The following AUTS2 variants were observed in gnomAD, a reference collection of about 807,000 sequenced individuals.
AUTS2 encodes the protein autism susceptibility gene 2 protein.
AUTS2 carries 17 observed loss-of-function variants against 112.4 expected under a neutral mutation model. The observed-to-expected ratio is 0.15, with a 90% CI of 0.10 to 0.23. AUTS2 has a LOEUF of 0.23. Ranked by LOEUF, AUTS2 falls within the 10% of genes least tolerant of loss-of-function variation. The pLI, the probability that AUTS2 is intolerant of heterozygous loss-of-function variation, is 1.00. For missense variants in AUTS2, 1,510 were observed against 1,701.6 expected, an observed-to-expected ratio of 0.89 and a Z score of 1.98; for synonymous variants, 751 against 702.7, an observed-to-expected ratio of 1.07 and a Z score of -1.09.
In AUTS2 at chr7:70,763,213, C is replaced by A; in HGVS notation, c.1086C>A (p.Pro362=). The A allele has an allele frequency of 1.2e-6, 2 of 1,614,114 alleles. No individual in the cohort carries two copies. The highest frequency in any genetic ancestry group is 1.7e-6 in the Non-Finnish European group (2 of 1,180,002). The stretch of plus-strand genomic sequence containing the variant: ...CGCAGCCTCAGGTGCAGAGGCCACC[C>A]AGGCCACAGTCCCCCACCCAGCTGC... ...PAPQPQVQRP[P]RPQSPTQLLH... Residue 362 remains proline, a synonymous_variant, in exon 7 of 19, where the codon CCC becomes CCA. Transcript: ENST00000342771.
intron 5 of AUTS2, among the ~76,000 whole-genome samples, chr7:70,466,735 CAG>C (rs1562972097): frequency 1.3e-5 from 2 of 152,140 alleles, no homozygotes; most frequent in East Asian, 3.8e-4. Flanking sequence ...CATTAAGTAA[CAG>C]ATTGTGTGCG....
intron 4 of AUTS2, among the ~76,000 whole-genome samples, chr7:70,335,965 A>G (rs1337322363): frequency 6.6e-6 from 1 of 152,226 alleles, no homozygotes; most frequent in Non-Finnish European, 1.5e-5. Flanking sequence ...AGCTCACACA[A>G]TTCTTTAATT....
At chr7:70,165,917 TG>T (rs1808356388) in intron 4 of AUTS2, among the ~76,000 whole-genome samples, 1 of 151,932 alleles carries the variant, frequency 6.6e-6, no homozygotes, top group South Asian at 2.1e-4. Context: ...TGGTGGGAGG[TG>T]ATTGGATCAT....
intron 2 of AUTS2, among the ~76,000 whole-genome samples, chr7:70,025,735 C>A (rs1482206922): frequency 6.7e-6 from 1 of 149,410 alleles, no homozygotes; most frequent in Non-Finnish European, 1.5e-5. Context: ...GGATTACAGG[C>A]GTGAGCTGCC....
At chr7:69,742,769 G>T in intron 1 of AUTS2, among the ~76,000 whole-genome samples, 1 of 152,174 alleles carries the variant, frequency 6.6e-6, no homozygotes, top group East Asian at 1.9e-4. Flanking sequence ...TGGGAAGGTT[G>T]CATGAGAACA....
At chr7:70,142,709 C>T (rs1046665548) in intron 4 of AUTS2, among the ~76,000 whole-genome samples, 2 of 152,170 alleles carry the variant, frequency 1.3e-5, no homozygotes, top group African/African-American at 4.8e-5. Context: ...GCGGTAAAGG[C>T]TTTAGCACAG....
intron 4 of AUTS2, among the ~76,000 whole-genome samples, chr7:70,171,472 A>T (rs1256758678): frequency 1.3e-5 from 2 of 152,240 alleles, no homozygotes; most frequent in African/African-American, 4.8e-5. Context: ...CATGTTCACC[A>T]GCAAAATGAT....
intron 1 of AUTS2, among the ~76,000 whole-genome samples, chr7:69,613,817 A>T (rs1224459033): frequency 6.6e-6 from 1 of 152,184 alleles, no homozygotes; most frequent in African/African-American, 2.4e-5. Flanking sequence ...TAGGAACTCT[A>T]TTCTTTCTGG....
chr7:70,780,404 A>T (rs1790991901), intron 14 of AUTS2, among the ~76,000 whole-genome samples: 1 of 149,760 alleles, frequency 6.7e-6, no homozygotes, highest in Non-Finnish European at 1.5e-5. Context: ...CATGATAAGG[A>T]CTTCACACAA....
intron 6 of AUTS2, among the ~76,000 whole-genome samples, chr7:70,728,840 G>C (rs530892694): frequency 6.6e-6 from 1 of 152,214 alleles, no homozygotes; most frequent in South Asian, 2.1e-4. Flanking sequence ...TGTGTGGCCT[G>C]AGTAAGAGTG....
At chr7:70,432,057 CT>C (rs1795694366) in intron 4 of AUTS2, among the ~76,000 whole-genome samples, 1 of 152,284 alleles carries the variant, frequency 6.6e-6, no homozygotes, top group South Asian at 2.1e-4. Flanking sequence ...TCATTTCTTG[CT>C]TTTAAAATGG....
rs749351926 is a variant in AUTS2 at position 70,762,943 on chromosome 7, G to A, written c.816G>A (p.Ser272=). 16 of 1,613,972 alleles carry A rather than the reference G, an allele frequency of 9.9e-6. No individual in the cohort carries two copies. Among genetic ancestry groups the A allele is most frequent in the South Asian group, 4.4e-5 (4 of 91,072 alleles). ...QDAGPIVPKI[S]GLERSQEKSQ... is the part of the protein sequence containing the mutation. Reference sequence around the variant, plus strand: ...CAGGGCCGATTGTCCCCAAGATATCGGGTCTAGAGAGAAGCCAGGAGAAGA... The same window carrying A: ...CAGGGCCGATTGTCCCCAAGATATCAGGTCTAGAGAGAAGCCAGGAGAAGA... Residue 272 remains serine, a synonymous_variant, in exon 7 of 19, where the codon TCG becomes TCA. Transcript: ENST00000342771.
intron 2 of AUTS2, among the ~76,000 whole-genome samples, chr7:70,008,770 G>C (rs910288284): frequency 6.6e-6 from 1 of 152,092 alleles, no homozygotes; most frequent in Non-Finnish European, 1.5e-5. Flanking sequence ...TATCACAGCC[G>C]TATCACTAAA....
At chr7:70,024,194 C>G (rs1443481340) in intron 2 of AUTS2, among the ~76,000 whole-genome samples, 1 of 152,154 alleles carries the variant, frequency 6.6e-6, no homozygotes, top group Non-Finnish European at 1.5e-5. Context: ...TTTTGCCTGT[C>G]TTTAAGTAAA....
intron 4 of AUTS2, among the ~76,000 whole-genome samples, chr7:70,248,450 T>C (rs1474257552): frequency 6.6e-6 from 1 of 152,180 alleles, no homozygotes; most frequent in Non-Finnish European, 1.5e-5. Flanking sequence ...GGTATGTTTC[T>C]TATAGGTACT....
intron 1 of AUTS2, among the ~76,000 whole-genome samples, chr7:69,645,129 G>C (rs1794969351): frequency 6.7e-6 from 1 of 149,658 alleles, no homozygotes; most frequent in African/African-American, 2.5e-5. Flanking sequence ...CCTGGCTGGT[G>C]TCAAACTTCT....
intron 5 of AUTS2, among the ~76,000 whole-genome samples, chr7:70,622,459 T>C (rs987826141): frequency 6.6e-6 from 1 of 152,134 alleles, no homozygotes; most frequent in Non-Finnish European, 1.5e-5. Context: ...ATCCCCACCG[T>C]TGCTACCCAG....
chr7:70,314,248 T>G (rs537331808), intron 4 of AUTS2, among the ~76,000 whole-genome samples: 1 of 152,218 alleles, frequency 6.6e-6, no homozygotes, highest in Non-Finnish European at 1.5e-5. Flanking sequence ...GATTACATAC[T>G]AATAAAAACT....
At chr7:69,644,851 G>A (rs1202588977) in intron 1 of AUTS2, among the ~76,000 whole-genome samples, 1 of 152,098 alleles carries the variant, frequency 6.6e-6, no homozygotes, top group Admixed American at 6.5e-5. Context: ...GTTTGGAATG[G>A]GAAAAGGAAC....
Sources: gnomAD v4.1 joint callset for allele counts (sites outside exome capture counted in the v4.1 genomes callset) on GRCh38, gnomAD v4.1.1 for gene constraint, MANE v1.5 for transcripts, NCBI Gene and HGNC (gene_info 2026-07-23, HGNC 2026-07-21) for gene names.